NR3C2: variants seen among roughly 807,000 people sequenced by gnomAD.
The protein encoded by NR3C2 is mineralocorticoid receptor.
NR3C2 carries 15 observed loss-of-function variants against 86.4 expected under a neutral mutation model. That is an observed-to-expected ratio of 0.17 (90% confidence interval 0.12 to 0.27). The LOEUF (loss-of-function observed/expected upper bound fraction) is 0.27. Ranked by LOEUF, NR3C2 falls within the 10% of genes least tolerant of loss-of-function variation. NR3C2 has a pLI of 1.00. For synonymous variants in NR3C2, 458 were observed against 450.5 expected, an observed-to-expected ratio of 1.02 and a Z score of -0.21; for missense variants, 960 against 1,195.6, an observed-to-expected ratio of 0.80 and a Z score of 2.91.
At chr4:148,300,646 C>T (rs373930392) in intron 2 of NR3C2, among the ~76,000 whole-genome samples, 7 of 138,240 alleles carry the variant, frequency 5.1e-5, no homozygotes, top group South Asian at 4.6e-4. Context: ...AGTGCAATGA[C>T]GCAATCTCCT....
chr4:148,211,925 T>C (rs1737304176), intron 3 of NR3C2, among the ~76,000 whole-genome samples: 1 of 152,232 alleles, frequency 6.6e-6, no homozygotes, highest in African/African-American at 2.4e-5. Flanking sequence ...CTTTGTCAAT[T>C]ATCATCAGCT....
At chr4:148,205,337 G>C (rs1736950467) in intron 3 of NR3C2, among the ~76,000 whole-genome samples, 1 of 152,198 alleles carries the variant, frequency 6.6e-6, no homozygotes, top group South Asian at 2.1e-4. Context: ...ATATATGCAT[G>C]TGGTTCAAAA....
At chr4:148,363,279 T>C (rs745490975) in intron 2 of NR3C2, among the ~76,000 whole-genome samples, 24 of 152,194 alleles carry the variant, frequency 1.6e-4, no homozygotes, top group Admixed American at 4.6e-4. Context: ...TGGCGTTGTC[T>C]GAAAAGCAGA....
At chr4:148,108,322 C>CT (rs1179039070) in intron 8 of NR3C2, among the ~76,000 whole-genome samples, 1 of 152,118 alleles carries the variant, frequency 6.6e-6, no homozygotes, top group East Asian at 1.9e-4. Context: ...GGGCTGGTCT[C>CT]TAACTCCTCA....
intron 2 of NR3C2, among the ~76,000 whole-genome samples, chr4:148,303,613 C>T (rs1287287498): frequency 2.6e-5 from 4 of 152,086 alleles, no homozygotes; most frequent in Admixed American, 1.3e-4. Flanking sequence ...TACAACCCCC[C>T]GAGATGCATT....
chr4:148,181,439 T>G (rs1735639135), intron 4 of NR3C2, among the ~76,000 whole-genome samples: 1 of 152,180 alleles, frequency 6.6e-6, no homozygotes, highest in African/African-American at 2.4e-5. Flanking sequence ...TATGATCCCC[T>G]CTATATTCTA....
At chr4:148,086,952 AG>A (rs1207265187) in intron 8 of NR3C2, among the ~76,000 whole-genome samples, 1 of 152,234 alleles carries the variant, frequency 6.6e-6, no homozygotes, top group Non-Finnish European at 1.5e-5. Flanking sequence ...AAAGAAAGAA[AG>A]GGTATTCAAA....
chr4:148,381,928 A>C (rs1173319992), intron 2 of NR3C2, among the ~76,000 whole-genome samples: 1 of 152,156 alleles, frequency 6.6e-6, no homozygotes, highest in Non-Finnish European at 1.5e-5. Context: ...TCTTTTCTCC[A>C]GTTTTCTTTT....
intron 2 of NR3C2, among the ~76,000 whole-genome samples, chr4:148,434,213 A>C (rs1038660064): frequency 3.3e-5 from 5 of 152,160 alleles, no homozygotes; most frequent in African/African-American, 1.2e-4. Flanking sequence ...TAAAGGAATA[A>C]TTTATCACAA....
chr4:148,253,501 A>T (rs893908380), intron 3 of NR3C2, among the ~76,000 whole-genome samples: 2 of 152,190 alleles, frequency 1.3e-5, no homozygotes, highest in Non-Finnish European at 2.9e-5. Flanking sequence ...ATGTTCTTTA[A>T]GGTTCTAACG....
intron 7 of NR3C2, among the ~76,000 whole-genome samples, chr4:148,116,920 T>G (rs1043048976): frequency 2.6e-5 from 4 of 152,246 alleles, no homozygotes; most frequent in African/African-American, 9.6e-5. Flanking sequence ...TTCATTTACA[T>G]TCTATCATCC....
chr4:148,351,448 T>C (rs904655644), intron 2 of NR3C2, among the ~76,000 whole-genome samples: 3 of 152,182 alleles, frequency 2.0e-5, no homozygotes, highest in African/African-American at 7.2e-5. Flanking sequence ...CAGCCTAATT[T>C]GTCTTTTCTA....
At position 148,080,989 on chromosome 4, in the gene NR3C2, T is replaced by C; in HGVS notation, c.*355A>G. On this transcript the variant is annotated 3_prime_UTR_variant, in exon 9 of 9. Transcript: ENST00000358102. ...ACGTTCGTTAGTCCTTGAACCCTTT[T>C]AAAACAAGCGAACGATACCAGAAAC... 2.8e-6 allele frequency: 1 copy of C among 354,506 alleles called. No homozygotes were observed. Among genetic ancestry groups the C allele is most frequent in the Non-Finnish European group, 5.5e-6 (1 of 181,606 alleles). 22.0% of individuals were successfully genotyped at this position (354,506 alleles called of 1,614,324 possible).
At chr4:148,394,687 C>CA (rs1747769586) in intron 2 of NR3C2, among the ~76,000 whole-genome samples, 1 of 151,958 alleles carries the variant, frequency 6.6e-6, no homozygotes, top group African/African-American at 2.4e-5. Context: ...GCAAGACCCT[C>CA]AAAAAATAAA....
intron 2 of NR3C2, among the ~76,000 whole-genome samples, chr4:148,297,219 A>G (rs770694038): frequency 1.1e-4 from 17 of 152,250 alleles, no homozygotes; most frequent in Non-Finnish European, 2.5e-4. Flanking sequence ...TAATCAACAC[A>G]TCTATTAAAA....
intron 2 of NR3C2, among the ~76,000 whole-genome samples, chr4:148,357,013 G>C (rs1452314782): frequency 6.6e-6 from 1 of 151,736 alleles, no homozygotes; most frequent in East Asian, 1.9e-4. Flanking sequence ...TATTATGGGG[G>C]AGGGATTGAT....
upstream of NR3C2, chr4:148,442,990 C>T (rs61760028): frequency 6.0e-5 from 59 of 985,080 alleles, no homozygotes; most frequent in Non-Finnish European, 1.9e-5. Context: ...CTGGCGCCGC[C>T]CAACAGCGTC....
At chr4:148,401,270 G>A (rs1330208009) in intron 2 of NR3C2, among the ~76,000 whole-genome samples, 1 of 152,044 alleles carries the variant, frequency 6.6e-6, no homozygotes, top group Non-Finnish European at 1.5e-5. Context: ...GCGGAAGCAT[G>A]GCAGAGGCTG....
intron 2 of NR3C2, among the ~76,000 whole-genome samples, chr4:148,270,717 C>A (rs1740636459): frequency 6.6e-6 from 1 of 152,124 alleles, no homozygotes; most frequent in African/African-American, 2.4e-5. Flanking sequence ...ATAAGAGCAA[C>A]AATAGGGCAC....
Sources: gnomAD v4.1 joint callset for allele counts (sites outside exome capture counted in the v4.1 genomes callset) on GRCh38, gnomAD v4.1.1 for gene constraint, MANE v1.5 for transcripts, NCBI Gene and HGNC (gene_info 2026-07-23, HGNC 2026-07-21) for gene names.